Variants in ZNF169 observed in about 807,000 individuals in gnomAD.
The protein encoded by ZNF169 is zinc finger protein 169.
Under a neutral mutation model 12.0 loss-of-function variants are expected in ZNF169, and 11 were observed. The observed-to-expected ratio is 0.92, with a 90% CI of 0.58 to 1.52. The LOEUF (loss-of-function observed/expected upper bound fraction) is 1.52. Ranked by LOEUF, ZNF169 falls within the 40% of genes most tolerant of loss-of-function variation. The probability of loss-of-function intolerance (pLI) is 0.00; values close to 1 mark genes in which losing one functional copy is unlikely to be tolerated. For missense variants in ZNF169, 722 were observed against 744.0 expected (o/e 0.97, Z 0.34); for synonymous variants, 302 against 286.5 (o/e 1.05, Z -0.55).
At chr9:94,295,159 C>T (rs558076675) in intron 4 of ZNF169, 13 of 152,230 alleles carry the variant, frequency 8.5e-5, no homozygotes, top group African/African-American at 3.1e-4. Context: ...AAAATCCCGT[C>T]TCTACTAAAA....
intron 2 of ZNF169, among the ~76,000 whole-genome samples, chr9:94,285,768 G>C (rs1830710351): frequency 6.6e-6 from 1 of 152,130 alleles, no homozygotes; most frequent in South Asian, 2.1e-4. Context: ...CCAGCACTTT[G>C]GGAGGCTGAA....
chr9:94,271,698 G>A (rs868467258), intron 1 of ZNF169, among the ~76,000 whole-genome samples: 8 of 130,780 alleles, frequency 6.1e-5, no homozygotes, highest in Non-Finnish European at 9.3e-5. Context: ...CCAGCCTGTC[G>A]ACAGGGCAAG....
rs754683823 is a variant in ZNF169, at chr9:94,292,487, G to A, written c.160+20G>A. 2.5e-6 allele frequency: 4 copies of A among 1,603,906 alleles called. 1 individual carries two copies. Among genetic ancestry groups the A allele is most frequent in the South Asian group, 2.2e-5 (2 of 90,142 alleles). ...CCCTGGGTAAGGCTGGCCTGTTTAA[G>A]GTTTCAGATTCTGCTTGTGGGTATT... On this transcript the variant is annotated intron_variant, in intron 3 of 4. Coordinates refer to ENST00000395395, the MANE Select transcript of ZNF169 (RefSeq NM_194320.4).
rs1366150395 is a variant in ZNF169, at chr9:94,292,717, C to G, written c.160+250C>G. 11 of 627,618 alleles carry G rather than the reference C, an allele frequency of 1.8e-5. No individual in the cohort carries two copies. In the East Asian group the frequency reaches 2.8e-4, roughly 16 times the overall value. 38.9% of individuals were successfully genotyped at this position (627,618 alleles called of 1,614,324 possible). A position where few individuals can be genotyped will look rare whatever the true frequency, so the allele number is the denominator to read the frequency against. Reference sequence around the variant, plus strand: ...GCCTGTTTACCCTGGCTGGGCTCCTCCTCTAAGGTTATCCTCCTTCAAAAG... The same window carrying G: ...GCCTGTTTACCCTGGCTGGGCTCCTGCTCTAAGGTTATCCTCCTTCAAAAG... On this transcript the variant is annotated intron_variant, in intron 3 of 4. Transcript: ENST00000395395.
chr9:94,273,319 AT>A (rs138764114), intron 1 of ZNF169, among the ~76,000 whole-genome samples: 47 of 146,642 alleles, frequency 3.2e-4, no homozygotes, highest in Non-Finnish European at 3.9e-4. Flanking sequence ...GCTTTTTCCT[AT>A]TTTTTTTTTA....
At chr9:94,287,701 A>T (rs1244130683) in intron 2 of ZNF169, 4 of 1,184,354 alleles carry the variant, frequency 3.4e-6, no homozygotes, top group Admixed American at 3.4e-5. Context: ...GTGTTCATTT[A>T]TGCTTGAAAT....
chr9:94,282,494 G>C (rs1220288707), intron 2 of ZNF169, among the ~76,000 whole-genome samples: 1 of 152,208 alleles, frequency 6.6e-6, no homozygotes, highest in African/African-American at 2.4e-5. Flanking sequence ...AGATACGTGA[G>C]AGGGACAGTT....
chr9:94,288,096 C>A, intron 2 of ZNF169: 1 of 804,900 alleles, frequency 1.2e-6, no homozygotes, highest in South Asian at 1.4e-5. Context: ...CATCTGGTAG[C>A]TAGCCAGCCA....
intron 4 of ZNF169, chr9:94,294,884 A>C (rs1830920376): frequency 6.6e-6 from 1 of 152,118 alleles, no homozygotes; most frequent in African/African-American, 2.4e-5. Flanking sequence ...GATAGAAATA[A>C]ATTTTTGCCT....
chr9:94,296,744 A>G, intron 4 of ZNF169: 1 of 457,084 alleles, frequency 2.2e-6, no homozygotes, highest in South Asian at 1.5e-5. Context: ...CCAATACCAC[A>G]GTTTTGATTA....
chr9:94,281,437 C>T (rs1015802909), intron 2 of ZNF169, among the ~76,000 whole-genome samples: 1 of 152,154 alleles, frequency 6.6e-6, no homozygotes, highest in Non-Finnish European at 1.5e-5. Context: ...TAATAAGAAA[C>T]TAGTTAGCAC....
chr9:94,301,204 G>C lies in ZNF169; in HGVS notation c.1646G>C (p.Arg549Pro). 6.2e-7 allele frequency: 1 copy of C among 1,614,140 alleles called. No homozygotes were observed. Among genetic ancestry groups the C allele is most frequent in the Admixed American group, 1.7e-5 (1 of 60,012 alleles). Residue 549 changes from arginine (R) to proline (P), a missense_variant, in exon 5 of 5, where the codon CGC becomes CCC. Arg to Pro is a moderately radical substitution (Grantham distance 103). Coordinates refer to ENST00000395395, the MANE Select transcript of ZNF169 (RefSeq NM_194320.4). ...CCCTGCATTTGCGATGAATGTGGGC[G>C]CGGCTTTGGCTTTAAGTCTGCCCTC... is the stretch of plus-strand genomic sequence containing the variant. ...EKPCICDECG[R>P]GFGFKSALIR...
chr9:94,273,041 A>G (rs1225457230), intron 1 of ZNF169, among the ~76,000 whole-genome samples: 1 of 142,218 alleles, frequency 7.0e-6, no homozygotes, highest in Non-Finnish European at 1.6e-5. Flanking sequence ...AGAAATGTCT[A>G]TTCAAGTCAT....
At chr9:94,261,128 G>T (rs530835229) in intron 1 of ZNF169, among the ~76,000 whole-genome samples, 1 of 151,932 alleles carries the variant, frequency 6.6e-6, no homozygotes, top group South Asian at 2.1e-4. Context: ...TGCAAACTCC[G>T]CCTCCCGGGT....
At chr9:94,276,431 A>T (rs944109803) in intron 1 of ZNF169, among the ~76,000 whole-genome samples, 2 of 151,814 alleles carry the variant, frequency 1.3e-5, no homozygotes, top group African/African-American at 4.8e-5. Flanking sequence ...CACCCAGCAA[A>T]TTTTTTGTAT....
At chr9:94,299,447 G>C (rs970244775) in intron 4 of ZNF169, 15 of 856,754 alleles carry the variant, frequency 1.8e-5, no homozygotes, top group Non-Finnish European at 2.4e-5. Flanking sequence ...CTTAACTGCA[G>C]CTCAGACACC....
At chr9:94,288,388 G>GTGAGAATACCA in intron 2 of ZNF169, 1 of 1,228,300 alleles carries the variant, frequency 8.1e-7, no homozygotes. Flanking sequence ...CAGACTGCCC[G>GTGAGAATACCA]TCACTTTGGT....
chr9:94,275,358 G>A (rs1013802332), intron 1 of ZNF169, among the ~76,000 whole-genome samples: 2 of 152,190 alleles, frequency 1.3e-5, no homozygotes, highest in Non-Finnish European at 2.9e-5. Context: ...CTTTGAAATT[G>A]GAGATTTGTT....
At chr9:94,263,958 T>G (rs1212568667) in intron 1 of ZNF169, among the ~76,000 whole-genome samples, 1 of 152,150 alleles carries the variant, frequency 6.6e-6, no homozygotes, top group Non-Finnish European at 1.5e-5. Flanking sequence ...AGTATATATT[T>G]GTAACTCTTC....
Sources: allele counts gnomAD v4.1 joint callset (sites outside exome capture counted in the v4.1 genomes callset), GRCh38; gene constraint gnomAD v4.1.1; transcripts MANE v1.5; gene names NCBI Gene and HGNC (gene_info 2026-07-23, HGNC 2026-07-21).